CCDC57: variants seen among roughly 807,000 people sequenced by gnomAD.
The protein encoded by CCDC57 is coiled-coil domain-containing protein 57.
In CCDC57, 118 loss-of-function variants were observed where a neutral mutation model predicts 118.9. The observed-to-expected ratio is 0.99, with a 90% CI of 0.86 to 1.16. The LOEUF (loss-of-function observed/expected upper bound fraction) is 1.16. CCDC57 is among the 50% of genes most tolerant of loss of function. The pLI is 0.00. For missense variants in CCDC57, 1,300 were observed against 1,320.7 expected, an observed-to-expected ratio of 0.98 and a Z score of 0.24; for synonymous variants, 527 against 532.9, an observed-to-expected ratio of 0.99 and a Z score of 0.15.
rs201699102 is a variant in CCDC57 at position 82,172,218 on chromosome 17, A to G, written c.1730-365T>C. Among the ~76,000 whole-genome samples, 2 of 152,110 alleles carry G rather than the reference A, an allele frequency of 1.3e-5. No individual in the cohort carries two copies. Among genetic ancestry groups the G allele is most frequent in the African/African-American group, 4.8e-5 (2 of 41,424 alleles). ...TCTGCCTCCATCCCGGCATCTGCCCACCCACAGCCACTCATGGGGTCCCTG... is the reference window on the plus strand; with the variant it reads ...TCTGCCTCCATCCCGGCATCTGCCCGCCCACAGCCACTCATGGGGTCCCTG... On this transcript the variant is annotated intron_variant, in intron 12 of 19. Coordinates refer to ENST00000665763, the Ensembl canonical transcript of CCDC57. The surrounding 1 kb of genome is among the most constrained non-coding windows in gnomAD (Gnocchi z 5.2).
intron 14 of CCDC57, chr17:82,160,385 G>C (rs768678750): frequency 6.8e-6 from 1 of 147,896 alleles, no homozygotes; most frequent in Non-Finnish European, 1.5e-5. Flanking sequence ...GAGGCAGACA[G>C]GCCAGGTGCA....
chr17:82,154,818 G>A (rs985716280), intron 15 of CCDC57: 11 of 150,752 alleles, frequency 7.3e-5, no homozygotes, highest in Admixed American at 5.9e-4. Context: ...GTCCCACGTG[G>A]CGTTTCTACA....
chr17:82,149,980 C>T (rs1441991248), intron 16 of CCDC57, among the ~76,000 whole-genome samples: 3 of 149,924 alleles, frequency 2.0e-5, no homozygotes, highest in Admixed American at 6.6e-5. Context: ...CTGACCCGCA[C>T]CCAGAACCAG....
At chr17:82,162,111 C>T (rs1785834898) in intron 14 of CCDC57, among the ~76,000 whole-genome samples, 1 of 152,066 alleles carries the variant, frequency 6.6e-6, no homozygotes, top group Admixed American at 6.6e-5. Context: ...GCGATTCTCC[C>T]ACCTCAGCCT....
chr17:82,103,376 A>T (rs1401494758), intron 19 of CCDC57, among the ~76,000 whole-genome samples: 2 of 152,010 alleles, frequency 1.3e-5, no homozygotes, highest in Non-Finnish European at 2.9e-5. Context: ...CAACCCCCAG[A>T]GGAATTCCTC....
chr17:82,145,420 G>A (rs976172628), intron 16 of CCDC57, among the ~76,000 whole-genome samples: 3 of 151,750 alleles, frequency 2.0e-5, no homozygotes, highest in Middle Eastern at 3.2e-3. Context: ...GGTGGCGGGC[G>A]CCTGTAATAC....
Position 82,204,735 on chromosome 17 carries a change from A to G in CCDC57, c.-8-2783T>C, listed in dbSNP as rs1163178268. On this transcript the variant is annotated intron_variant, in intron 2 of 19. Coordinates refer to ENST00000665763, the Ensembl canonical transcript of CCDC57. ...GAGGCGAAGCTTGCAGTGAGCTGAG[A>G]TCGCACCACTGCAGTCCGGCCTGGG... is the stretch of plus-strand genomic sequence containing the variant. Among the ~76,000 whole-genome samples the G allele has an allele frequency of 3.9e-5, 6 of 152,216 alleles. No individual in the cohort carries two copies. In the Middle Eastern group the frequency reaches 0.01, roughly 259 times the overall value.
At chr17:82,193,127 T>A (rs932782920) in intron 7 of CCDC57, among the ~76,000 whole-genome samples, 2 of 152,180 alleles carry the variant, frequency 1.3e-5, no homozygotes, top group African/African-American at 4.8e-5. Flanking sequence ...GGCACAATCA[T>A]GGCTCACTGC....
chr17:82,209,277 A>C (rs1191715650), intron 1 of CCDC57, among the ~76,000 whole-genome samples: 2 of 152,216 alleles, frequency 1.3e-5, no homozygotes, highest in Admixed American at 6.5e-5. Flanking sequence ...TGAGTAAGTG[A>C]GAAATAGAAG....
intron 19 of CCDC57, among the ~76,000 whole-genome samples, chr17:82,122,430 G>A (rs976018261): frequency 2.0e-5 from 3 of 152,068 alleles, no homozygotes; most frequent in East Asian, 1.9e-4. Flanking sequence ...TGCTTGTGGC[G>A]CTCTAGGACT....
intron 16 of CCDC57, among the ~76,000 whole-genome samples, chr17:82,146,433 T>C (rs1223396258): frequency 6.6e-6 from 1 of 152,040 alleles, no homozygotes; most frequent in Admixed American, 6.6e-5. Flanking sequence ...GCAGTGATTA[T>C]TCACAGGCAG....
At chr17:82,163,655 G>C (rs1182626049) in intron 13 of CCDC57, among the ~76,000 whole-genome samples, 1 of 152,072 alleles carries the variant, frequency 6.6e-6, no homozygotes, top group Admixed American at 6.6e-5. Flanking sequence ...CAAGTAAAGA[G>C]CCACTTGCTT....
At position 82,181,422 on chromosome 17, in the gene CCDC57, C is replaced by T. The variant is rs566961285; in HGVS notation, c.1212-2233G>A. 2.0e-5 allele frequency among the ~76,000 whole-genome samples: 3 copies of T among 152,360 alleles called. No individual in the cohort carries two copies. In the South Asian group the frequency reaches 6.2e-4, roughly 32 times the overall value. ...TAGACCTGCCCCACCTGCCCTCGCA[C>T]TGATTTTAAACAAGTCTCAAATGGG... On this transcript the variant is annotated intron_variant, in intron 9 of 19. Coordinates refer to ENST00000665763, the Ensembl canonical transcript of CCDC57.
At chr17:82,110,474 A>G (rs942502534) in intron 19 of CCDC57, among the ~76,000 whole-genome samples, 3 of 152,166 alleles carry the variant, frequency 2.0e-5, no homozygotes, top group African/African-American at 4.8e-5. Context: ...GCAAAAACTC[A>G]TTCATCAACG....
At chr17:82,167,475 C>T (rs927249841) in intron 13 of CCDC57, among the ~76,000 whole-genome samples, 2 of 151,982 alleles carry the variant, frequency 1.3e-5, no homozygotes, top group African/African-American at 4.8e-5. Context: ...CTCAGCCTCC[C>T]AAATAGCTGG....
intron 16 of CCDC57, chr17:82,145,924 C>T (rs759740601): frequency 1.2e-4 from 43 of 355,472 alleles, no homozygotes; most frequent in Middle Eastern, 7.6e-4. Context: ...GGGGACGCCC[C>T]GGCACCTCCC....
chr17:82,184,770 C>T (rs2046728225), intron 8 of CCDC57, among the ~76,000 whole-genome samples: 1 of 152,212 alleles, frequency 6.6e-6, no homozygotes, highest in African/African-American at 2.4e-5. Context: ...GCACTCAAGC[C>T]TGGTATTATA....
chr17:82,128,560 T>C (rs1290685857), exon 18 of CCDC57: 2 of 1,573,164 alleles, frequency 1.3e-6, no homozygotes, highest in Non-Finnish European at 1.7e-6. Flanking sequence ...CTTTCCCAAG[T>C]GTCTGGAAGG....
At chr17:82,138,289 C>T (rs1334886181) in intron 16 of CCDC57, among the ~76,000 whole-genome samples, 1 of 151,446 alleles carries the variant, frequency 6.6e-6, no homozygotes, top group Non-Finnish European at 1.5e-5. Flanking sequence ...GCTGGGACTA[C>T]AGGTGCCCAC....
Sources: allele counts gnomAD v4.1 joint callset (sites outside exome capture counted in the v4.1 genomes callset), GRCh38; gene constraint gnomAD v4.1.1; non-coding constraint Gnocchi (gnomAD v3.1); transcripts MANE v1.5; gene names NCBI Gene and HGNC (gene_info 2026-07-23, HGNC 2026-07-21).